Variants in PFKP observed in about 807,000 individuals in gnomAD.
PFKP encodes the protein ATP-dependent 6-phosphofructokinase, platelet type.
A neutral mutation model predicts 94.3 loss-of-function variants in PFKP; 101 were observed. That is an observed-to-expected ratio of 1.07 (90% CI 0.91 to 1.26). PFKP has a LOEUF of 1.26. Ranked by LOEUF, PFKP falls within the 50% of genes most tolerant of loss-of-function variation. The pLI, the probability that PFKP is intolerant of heterozygous loss-of-function variation, is 0.00. For synonymous variants in PFKP, 573 were observed against 432.6 expected, an observed-to-expected ratio of 1.32 and a Z score of -4.03; for missense variants, 1,145 against 1,103.3, an observed-to-expected ratio of 1.04 and a Z score of -0.53.
rs1228727291 is a variant in PFKP, at chr10:3,079,940, T to C, written c.113-2448T>C. ...GAGGCTCTGTCCTGCCAGGAATAAATGGAATCAGGTGGGAGGCTCTGTCCT... is the reference window on the plus strand; with the variant it reads ...GAGGCTCTGTCCTGCCAGGAATAAACGGAATCAGGTGGGAGGCTCTGTCCT... On this transcript the variant is annotated intron_variant, in intron 1 of 21. Transcript: ENST00000381125. Among the ~76,000 whole-genome samples the C allele has an allele frequency of 4.0e-5, 6 of 150,656 alleles. No individual in the cohort carries two copies. The East Asian group carries it at 1.2e-3, about 30-fold the overall frequency.
At chr10:3,097,084 A>AAAAAAC (rs58044400) in intron 2 of PFKP, among the ~76,000 whole-genome samples, 2 of 84,496 alleles carry the variant, frequency 2.4e-5, no homozygotes, top group Admixed American at 1.1e-4. Flanking sequence ...TCTCAAAAAA[A>AAAAAAC]CAAAAAACAA....
intron 21 of PFKP, 36 bp from the exon 22 acceptor site, chr10:3,136,414 T>C (rs754574201): frequency 1.2e-6 from 2 of 1,610,608 alleles, no homozygotes; most frequent in South Asian, 2.2e-5. Context: ...CGCCAGTGAC[T>C]GCAGGCCTCA....
intron 9 of PFKP, 34 bp downstream of exon 9, chr10:3,108,827 TCTCTAGGA>T: frequency 6.9e-7 from 1 of 1,451,846 alleles, no homozygotes; most frequent in Non-Finnish European, 9.7e-7. Context: ...CTTCACAAGG[TCTCTAGGA>T]GGAAGCGTTT....
chr10:3,096,044 T>C (rs1834451548), intron 2 of PFKP, among the ~76,000 whole-genome samples: 1 of 152,216 alleles, frequency 6.6e-6, no homozygotes. Flanking sequence ...CAAAATGTTG[T>C]GGTTTGCAGA....
intron 11 of PFKP, 32 bp downstream of exon 11, chr10:3,112,318 C>G (rs948661099): frequency 6.6e-7 from 1 of 1,526,710 alleles, no homozygotes; most frequent in Non-Finnish European, 9.1e-7. Context: ...TCTGCCCTGT[C>G]AGGAACACAC....
chr10:3,125,316 C>A, intron 16 of PFKP: 1 of 1,081,368 alleles, frequency 9.2e-7, no homozygotes, highest in Non-Finnish European at 1.2e-6. Flanking sequence ...TTCTTCTGTG[C>A]TAAGGATGAG....
At chr10:3,081,533 G>T (rs1002563383) in intron 1 of PFKP, among the ~76,000 whole-genome samples, 1 of 152,234 alleles carries the variant, frequency 6.6e-6, no homozygotes, top group Non-Finnish European at 1.5e-5. Flanking sequence ...AAGCAGCAGC[G>T]CTGCATGGCT....
At chr10:3,097,948 G>T (rs993897605) in intron 2 of PFKP, among the ~76,000 whole-genome samples, 8 of 152,186 alleles carry the variant, frequency 5.3e-5, no homozygotes, top group African/African-American at 1.9e-4. Context: ...GATGTAAGTT[G>T]CAGTGAGCCG....
At chr10:3,127,744 GCCTGTTTCTCT>G (rs1159105024) in intron 16 of PFKP, among the ~76,000 whole-genome samples, 2 of 152,082 alleles carry the variant, frequency 1.3e-5, no homozygotes, top group Non-Finnish European at 2.9e-5. Flanking sequence ...TCTTCCCATT[GCCTGTTTCTCT>G]CCCCATCTCG....
Position 3,105,423 on chromosome 10 carries a change from C to T in PFKP, c.696C>T (p.Cys232=), listed in dbSNP as rs548988613. 14 of 1,613,794 alleles carry T rather than the reference C, an allele frequency of 8.7e-6. No homozygotes were observed. In the African/African-American group the frequency reaches 9.3e-5, roughly 11 times the overall value. ...GYLALVSALA[C]GADWVFLPES... ...TGGCCCTGGTGAGTGCCTTGGCCTG[C>T]GGTGCGGACTGGGTGTTCCTTCCAG... Residue 232 remains cysteine, a synonymous_variant, in exon 7 of 22, where the codon TGC becomes TGT. Coordinates refer to ENST00000381125, the MANE Select transcript of PFKP (RefSeq NM_002627.5).
At position 3,097,241 on chromosome 10, in the gene PFKP, T is replaced by C. The variant is rs79652409; in HGVS notation, c.187-2034T>C. On this transcript the variant is annotated intron_variant, in intron 2 of 21. Transcript: ENST00000381125. ...GATTATGGCCTCCAAGAGTCATTCA[T>C]GGCTTTGCACATGACCGTCTGTTAC... is the stretch of plus-strand genomic sequence containing the variant. 2.3e-3 allele frequency among the ~76,000 whole-genome samples: 353 copies of C among 152,018 alleles called. 1 individual carries two copies. The highest frequency in any genetic ancestry group is 7.6e-3 in the African/African-American group (314 of 41,418).
chr10:3,133,837 A>G (rs1316285262), intron 19 of PFKP, among the ~76,000 whole-genome samples: 1 of 152,236 alleles, frequency 6.6e-6, no homozygotes, highest in Non-Finnish European at 1.5e-5. Flanking sequence ...GCTTTCATGA[A>G]AACAGTGATA....
At chr10:3,081,761 T>TATG (rs1307010328) in intron 1 of PFKP, among the ~76,000 whole-genome samples, 1 of 85,720 alleles carries the variant, frequency 1.2e-5, no homozygotes, top group South Asian at 5.5e-4. Flanking sequence ...AGCAGACTTA[T>TATG]ATGATACATT....
Position 3,103,817 on chromosome 10 carries a change from C to G in PFKP, c.493C>G (p.Leu165Val). 1 of 1,614,032 alleles carries G rather than the reference C, an allele frequency of 6.2e-7. No homozygotes were observed. Among genetic ancestry groups the G allele is most frequent in the Non-Finnish European group, 8.5e-7 (1 of 1,180,034 alleles). Residue 165 changes from leucine to valine, a missense_variant, in exon 5 of 22, where the codon CTC becomes GTC. By Grantham distance (32) the Leu-to-Val change is conservative. Coordinates refer to ENST00000381125, the MANE Select transcript of PFKP (RefSeq NM_002627.5). ...DKEAVQKYAY[L>V]NVVGMVGSID... Reference sequence around the variant, plus strand: ...GGAGGCCGTGCAGAAGTACGCCTACCTCAACGTGGTGGGCATGGTGGGCTC... The same window carrying G: ...GGAGGCCGTGCAGAAGTACGCCTACGTCAACGTGGTGGGCATGGTGGGCTC...
At chr10:3,123,895 A>AG (rs1459542681) in intron 16 of PFKP, among the ~76,000 whole-genome samples, 5 of 152,172 alleles carry the variant, frequency 3.3e-5, no homozygotes, top group African/African-American at 1.2e-4. Flanking sequence ...GCCTGGGTGG[A>AG]GGTGGAGGCT....
intron 3 of PFKP, among the ~76,000 whole-genome samples, chr10:3,099,752 A>C (rs1834796683): frequency 6.6e-6 from 1 of 152,108 alleles, no homozygotes; most frequent in Admixed American, 6.5e-5. Flanking sequence ...CTGAATTCAC[A>C]CAGGGGAGCG....
chr10:3,101,680 C>T, intron 4 of PFKP, 126 bp downstream of exon 4: 1 of 645,336 alleles, frequency 1.5e-6, no homozygotes, highest in South Asian at 2.4e-5. Context: ...GTCACCATCT[C>T]AGGACTTTTT....
chr10:3,083,633 C>T (rs1019879767), intron 2 of PFKP, among the ~76,000 whole-genome samples: 9 of 125,148 alleles, frequency 7.2e-5, no homozygotes, highest in Non-Finnish European at 1.3e-4. Context: ...ACGACTGTTG[C>T]TTTAACTTAT....
intron 1 of PFKP, among the ~76,000 whole-genome samples, chr10:3,076,680 G>T (rs1463342561): frequency 2.6e-5 from 4 of 152,136 alleles, no homozygotes; most frequent in Non-Finnish European, 5.9e-5. Flanking sequence ...AGGGCCAGAG[G>T]CTTCCCATCT....
Sources: allele counts gnomAD v4.1 joint callset (sites outside exome capture counted in the v4.1 genomes callset), GRCh38; gene constraint gnomAD v4.1.1; transcripts MANE v1.5; gene names NCBI Gene and HGNC (gene_info 2026-07-23, HGNC 2026-07-21).